The following CSMD1 variants were observed in gnomAD, a reference collection of about 807,000 sequenced individuals.
CSMD1 encodes the protein CUB and sushi domain-containing protein 1.
In CSMD1, 213 loss-of-function variants were observed where a neutral mutation model predicts 417.5. The ratio of observed to expected loss-of-function variants is 0.51; its 90% confidence interval spans 0.46 to 0.57. CSMD1 has a LOEUF of 0.57. CSMD1 is among the 20% of genes least tolerant of loss of function. The probability of loss-of-function intolerance (pLI) is 0.00; values close to 1 mark genes in which losing one functional copy is unlikely to be tolerated. For synonymous variants in CSMD1, 2,862 were observed against 1,736.8 expected (o/e 1.65, Z -16.11); for missense variants, 6,923 against 4,529.7 (o/e 1.53, Z -15.17).
intron 2 of CSMD1, among the ~76,000 whole-genome samples, chr8:4,473,491 A>G (rs535436748): frequency 6.6e-6 from 1 of 152,264 alleles, no homozygotes; most frequent in South Asian, 2.1e-4. Context: ...TGCAAATCCA[A>G]AGAACCCCCA....
chr8:3,836,558 G>C (rs1343249279), intron 5 of CSMD1, among the ~76,000 whole-genome samples: 1 of 152,130 alleles, frequency 6.6e-6, no homozygotes, highest in African/African-American at 2.4e-5. Context: ...AGTCAGAAAA[G>C]TGGTGATATT....
intron 2 of CSMD1, among the ~76,000 whole-genome samples, chr8:4,573,233 G>C (rs896505691): frequency 2.6e-5 from 4 of 152,084 alleles, no homozygotes; most frequent in Admixed American, 6.5e-5. Flanking sequence ...TTTTTGTGCT[G>C]GTTTTTCCTC....
At chr8:4,992,035 G>A (rs1027895643) in intron 1 of CSMD1, among the ~76,000 whole-genome samples, 1 of 152,160 alleles carries the variant, frequency 6.6e-6, no homozygotes, top group African/African-American at 2.4e-5. Flanking sequence ...CACGCCAGGG[G>A]CCTGGGACCC....
At chr8:3,140,029 A>C (rs907344542) in intron 41 of CSMD1, among the ~76,000 whole-genome samples, 12 of 151,040 alleles carry the variant, frequency 7.9e-5, no homozygotes, top group African/African-American at 2.9e-4. Flanking sequence ...CAGCCTCCTG[A>C]GTAGCTGGGA....
intron 12 of CSMD1, among the ~76,000 whole-genome samples, chr8:3,409,855 G>A (rs574551165): frequency 2.0e-5 from 3 of 152,252 alleles, no homozygotes; most frequent in East Asian, 1.9e-4. Context: ...ACACAGATAC[G>A]CTGACAACAC....
intron 2 of CSMD1, among the ~76,000 whole-genome samples, chr8:4,558,417 C>G (rs962711114): frequency 6.6e-6 from 1 of 152,154 alleles, no homozygotes; most frequent in Admixed American, 6.5e-5. Context: ...TTAACTCTAA[C>G]AAAGTATTTT....
intron 10 of CSMD1, among the ~76,000 whole-genome samples, chr8:3,533,197 C>T (rs1029654800): frequency 4.6e-5 from 7 of 152,074 alleles, no homozygotes; most frequent in African/African-American, 1.7e-4. Context: ...AGAAAGAGCA[C>T]CCTAAAACCA....
chr8:3,433,144 ATGG>A (rs1477244390), intron 12 of CSMD1, among the ~76,000 whole-genome samples: 5 of 152,356 alleles, frequency 3.3e-5, no homozygotes, highest in Admixed American at 1.3e-4. Context: ...TTTGATAAAC[ATGG>A]TGGGATTCTG....
intron 5 of CSMD1, among the ~76,000 whole-genome samples, chr8:3,772,422 C>T (rs376597848): frequency 0.046 from 2,337 of 51,020 alleles, 674 homozygotes; most frequent in African/African-American, 0.14. Flanking sequence ...TTTATATATA[C>T]ACATATATAC....
intron 26 of CSMD1, among the ~76,000 whole-genome samples, chr8:3,260,457 C>T (rs1346554069): frequency 1.3e-5 from 2 of 152,048 alleles, no homozygotes; most frequent in Admixed American, 6.6e-5. Context: ...TCAGCCCAGA[C>T]TCCAGAGGAA....
intron 1 of CSMD1, among the ~76,000 whole-genome samples, chr8:4,789,408 C>G (rs574029672): frequency 1.4e-4 from 21 of 152,122 alleles, no homozygotes; most frequent in Non-Finnish European, 2.8e-4. Context: ...CCTACACTCT[C>G]GTATCTAATA....
chr8:4,790,080 G>A (rs965244001), intron 1 of CSMD1, among the ~76,000 whole-genome samples: 8 of 152,190 alleles, frequency 5.3e-5, no homozygotes, highest in African/African-American at 1.9e-4. Context: ...CATTCGATGA[G>A]TTTTGTGGGA....
chr8:4,244,728 G>A (rs1454375009), intron 3 of CSMD1, among the ~76,000 whole-genome samples: 2 of 151,830 alleles, frequency 1.3e-5, no homozygotes, highest in African/African-American at 4.8e-5. Flanking sequence ...TTACCTCAAT[G>A]GAATAATTTT....
intron 2 of CSMD1, among the ~76,000 whole-genome samples, chr8:4,505,743 T>A (rs1052044775): frequency 1.1e-4 from 17 of 152,134 alleles, no homozygotes; most frequent in African/African-American, 4.1e-4. Context: ...AACCCTAAGC[T>A]ACAACTCAGT....
At chr8:4,374,508 C>T (rs990748832) in intron 3 of CSMD1, among the ~76,000 whole-genome samples, 1 of 151,968 alleles carries the variant, frequency 6.6e-6, no homozygotes, top group Non-Finnish European at 1.5e-5. Context: ...GAGAGAATGC[C>T]CACAGCAGAT....
At chr8:3,386,246 G>C (rs1810995850) in intron 18 of CSMD1, among the ~76,000 whole-genome samples, 1 of 152,170 alleles carries the variant, frequency 6.6e-6, no homozygotes. Flanking sequence ...ACCTTCACCT[G>C]GGGGGCTCAC....
intron 5 of CSMD1, among the ~76,000 whole-genome samples, chr8:3,983,581 T>C (rs1814075806): frequency 6.6e-6 from 1 of 152,196 alleles, no homozygotes; most frequent in Non-Finnish European, 1.5e-5. Context: ...TTTTTGATGT[T>C]TCTATTTTAT....
At chr8:4,188,835 T>TA (rs142801254) in intron 3 of CSMD1, among the ~76,000 whole-genome samples, 20,332 of 146,408 alleles carry the variant, frequency 0.14, 1,513 homozygotes, top group East Asian at 0.24. Context: ...GGAGGGATAT[T>TA]AAAAAAAAAA....
intron 12 of CSMD1, among the ~76,000 whole-genome samples, chr8:3,453,517 G>T (rs986742596): frequency 6.6e-6 from 1 of 152,026 alleles, no homozygotes; most frequent in Non-Finnish European, 1.5e-5. Flanking sequence ...TTGTGTCTTT[G>T]TTCTCATTGG....
Sources: gnomAD v4.1 joint callset for allele counts (sites outside exome capture counted in the v4.1 genomes callset) on GRCh38, gnomAD v4.1.1 for gene constraint, MANE v1.5 for transcripts, NCBI Gene and HGNC (gene_info 2026-07-23, HGNC 2026-07-21) for gene names.